ACAD9: variants seen among roughly 807,000 people sequenced by gnomAD.
The protein encoded by ACAD9 is complex I assembly factor ACAD9, mitochondrial.
ACAD9 carries 53 observed loss-of-function variants against 70.2 expected under a neutral mutation model. The ratio of observed to expected loss-of-function variants is 0.75; its 90% CI spans 0.61 to 0.95. ACAD9 has a LOEUF of 0.95. ACAD9 is among the 40% of genes least tolerant of loss of function. The pLI is 0.00. For missense variants in ACAD9, 777 were observed against 802.8 expected, an observed-to-expected ratio of 0.97 and a Z score of 0.39; for synonymous variants, 313 against 312.1, an observed-to-expected ratio of 1.00 and a Z score of -0.03.
chr3:128,903,678 CTCTG>C (rs1935808156), intron 9 of ACAD9, among the ~76,000 whole-genome samples: 2 of 152,238 alleles, frequency 1.3e-5, no homozygotes, highest in South Asian at 2.1e-4. Context: ...CCTGCACCAC[CTCTG>C]TCTGGGGCCT....
chr3:128,899,522 CGGTGTGTGTG>C, intron 7 of ACAD9, 61 bp downstream of exon 7: 5 of 1,146,340 alleles, frequency 4.4e-6, no homozygotes, highest in East Asian at 3.6e-5. Context: ...TGGCCTTTGA[CGGTGTGTGTG>C]TGTGTGTGTG....
intron 2 of ACAD9, among the ~76,000 whole-genome samples, chr3:128,890,932 C>T (rs541339969): frequency 2.6e-5 from 4 of 151,232 alleles, no homozygotes; most frequent in African/African-American, 7.3e-5. Context: ...ACCTCTGCCT[C>T]CCAGGTTCAA....
intron 1 of ACAD9, among the ~76,000 whole-genome samples, chr3:128,884,029 G>C (rs1935172156): frequency 6.6e-6 from 1 of 152,228 alleles, no homozygotes; most frequent in African/African-American, 2.4e-5. Context: ...GAGCCCAAAA[G>C]TCCAGAGGGG....
chr3:128,890,305 C>T lies in ACAD9; in HGVS notation c.245-3250C>T, dbSNP rs1231346535. ...TTCACCATGTTGGCCAGGCCAATCTCGAACTCCTGACCTCAGGTGATCTGC... is the reference window on the plus strand; with the variant it reads ...TTCACCATGTTGGCCAGGCCAATCTTGAACTCCTGACCTCAGGTGATCTGC... On this transcript the variant is annotated intron_variant, in intron 2 of 17. Coordinates refer to ENST00000308982, the MANE Select transcript of ACAD9 (RefSeq NM_014049.5). Among the ~76,000 whole-genome samples, 7 of 152,082 alleles carry T rather than the reference C, an allele frequency of 4.6e-5. No homozygotes were observed. In the East Asian group the frequency reaches 1.4e-3, roughly 30 times the overall value.
At chr3:128,887,644 A>AATAAATAAATATATAT (rs1436892805) in intron 2 of ACAD9, among the ~76,000 whole-genome samples, 2 of 133,106 alleles carry the variant, frequency 1.5e-5, no homozygotes, top group African/African-American at 5.8e-5. Context: ...AAAATAAATA[A>AATAAATAAATATATAT]ATATATATAT....
chr3:128,904,871 G>A lies in ACAD9; in HGVS notation c.1149+366G>A, dbSNP rs186542772. On this transcript the variant is annotated intron_variant, in intron 11 of 17. Transcript: ENST00000308982. ...TTAAAAACTAAGCATATGGCAGGGC[G>A]CGGTGGCTCACACCTGTAATCCCAG... 3.8e-3 allele frequency among the ~76,000 whole-genome samples: 585 copies of A among 152,268 alleles called. 2 individuals carry two copies. The highest frequency in any genetic ancestry group is 9.7e-3 in the Admixed American group (149 of 15,294).
At chr3:128,895,552 C>A (rs1935547316) in intron 4 of ACAD9, 136 bp downstream of exon 4, 1 of 801,256 alleles carries the variant, frequency 1.2e-6, no homozygotes, top group Non-Finnish European at 2.1e-6. Context: ...AGTTCCCTCA[C>A]TCTGGCCACA....
chr3:128,907,564 C>T (rs925391694), intron 12 of ACAD9, among the ~76,000 whole-genome samples: 1 of 152,102 alleles, frequency 6.6e-6, no homozygotes, highest in South Asian at 2.1e-4. Context: ...TCCTGCTGTC[C>T]GTGATGTCAG....
intron 7 of ACAD9, among the ~76,000 whole-genome samples, 161 bp downstream of exon 7, chr3:128,899,622 CTT>C (rs1935680975): frequency 6.6e-6 from 1 of 151,900 alleles, no homozygotes; most frequent in African/African-American, 2.4e-5. Context: ...GATTTAAACA[CTT>C]TCAGTTTTTG....
At position 128,881,521 on chromosome 3, in the gene ACAD9, A is replaced by G. The variant is rs578058219; in HGVS notation, c.150+1680A>G. On this transcript the variant is annotated intron_variant, in intron 1 of 17. Transcript: ENST00000308982. ...GACTCCAGGTCTTCTCACCTACTCAAGGGTAATTCTTTCCTTTCTCTGCAT... is the reference window on the plus strand; with the variant it reads ...GACTCCAGGTCTTCTCACCTACTCAGGGGTAATTCTTTCCTTTCTCTGCAT... 3.0e-3 allele frequency among the ~76,000 whole-genome samples: 464 copies of G among 152,292 alleles called. 2 individuals are homozygous for G. The highest frequency in any genetic ancestry group is 0.011 in the African/African-American group (443 of 41,566).
At chr3:128,901,405 GC>G in intron 8 of ACAD9, 56 bp downstream of exon 8, 1 of 1,589,924 alleles carries the variant, frequency 6.3e-7, no homozygotes, top group Non-Finnish European at 8.6e-7. Context: ...GCAGTTTGTC[GC>G]CCCCAGCTTT....
intron 1 of ACAD9, among the ~76,000 whole-genome samples, chr3:128,882,591 T>C (rs560049905): frequency 6.6e-6 from 1 of 152,250 alleles, no homozygotes; most frequent in African/African-American, 2.4e-5. Flanking sequence ...TGCCCTAAGC[T>C]GGACCCAAGC....
chr3:128,890,191 G>A (rs1230943840), intron 2 of ACAD9, among the ~76,000 whole-genome samples: 3 of 151,434 alleles, frequency 2.0e-5, no homozygotes, highest in South Asian at 2.1e-4. Context: ...AGGTTCAAGC[G>A]ATTCTGCCTC....
At chr3:128,903,410 C>G (rs1935798821) in intron 9 of ACAD9, among the ~76,000 whole-genome samples, 1 of 152,210 alleles carries the variant, frequency 6.6e-6, no homozygotes, top group African/African-American at 2.4e-5. Context: ...TACTCAGGCA[C>G]AAGGCCTCTG....
At chr3:128,901,682 C>A (rs747300920) in intron 8 of ACAD9, among the ~76,000 whole-genome samples, 6 of 152,208 alleles carry the variant, frequency 3.9e-5, no homozygotes, top group Non-Finnish European at 8.8e-5. Context: ...TGGTCTGCAT[C>A]GCTGCCCTAC....
rs1935678804 is a variant in ACAD9, at chr3:128,899,562, G to T, written c.808+101G>T. ...TGTGTGTGTGTGTGTGTGTGTGTGT[G>T]TAAGGGGGAGACTGGCCCTTGACTC... On this transcript the variant is annotated intron_variant, in intron 7 of 17. Coordinates refer to ENST00000308982, the MANE Select transcript of ACAD9 (RefSeq NM_014049.5). The T allele has an allele frequency of 3.2e-6, 4 of 1,257,334 alleles. No homozygotes were observed. The South Asian group carries it at 5.7e-5, about 18-fold the overall frequency. 77.9% of individuals were successfully genotyped at this position (1,257,334 alleles called of 1,614,324 possible). A position where few individuals can be genotyped will look rare whatever the true frequency, so the allele number is the denominator to read the frequency against.
In ACAD9 at chr3:128,906,126, C is replaced by A. The variant is rs994949674; in HGVS notation, c.1155C>A (p.Phe385Leu). ...TTCAGTGTGACACCCCACAGGTGTT[C>A]AGCTCCGAGGCCGCCTGGCAGTGTG... ...CSIEAAMVKV[F>L]SSEAAWQCVS... The change falls in exon 12 of 18, where the codon TTC (phenylalanine) becomes TTA (leucine). Residue 385 changes from phenylalanine to leucine, a missense_variant. Transcript: ENST00000308982. 13 of 1,614,076 alleles carry A rather than the reference C, an allele frequency of 8.1e-6. No individual in the cohort carries two copies. Among genetic ancestry groups the A allele is most frequent in the Non-Finnish European group, 1.1e-5 (13 of 1,180,056 alleles).
intron 7 of ACAD9, among the ~76,000 whole-genome samples, chr3:128,900,588 CCT>C (rs1935709927): frequency 2.0e-5 from 3 of 150,588 alleles, no homozygotes; most frequent in Admixed American, 2.0e-4. Flanking sequence ...GTCTCGAACT[CCT>C]GGGTTCAAGT....
Position 128,906,162 on chromosome 3 carries a change from G to A in ACAD9, c.1191G>A (p.Ala397=), listed in dbSNP as rs774763527. 4.3e-6 allele frequency: 7 copies of A among 1,614,214 alleles called. No individual in the cohort carries two copies. The highest frequency in any genetic ancestry group is 1.1e-5 in the South Asian group (1 of 91,090). ...SEAAWQCVSE[A]LQILGGLGYT... ...CCGCCTGGCAGTGTGTGAGTGAGGCGCTGCAGATCCTCGGGGGCTTGGGCT... is the reference window on the plus strand; with the variant it reads ...CCGCCTGGCAGTGTGTGAGTGAGGCACTGCAGATCCTCGGGGGCTTGGGCT... The change falls in exon 12 of 18, where the codon GCG becomes GCA. Residue 397 remains alanine (A), a synonymous_variant. Coordinates refer to ENST00000308982, the MANE Select transcript of ACAD9 (RefSeq NM_014049.5).
Sources: gnomAD v4.1 joint callset for allele counts (sites outside exome capture counted in the v4.1 genomes callset) on GRCh38, gnomAD v4.1.1 for gene constraint, MANE v1.5 for transcripts, NCBI Gene and HGNC (gene_info 2026-07-23, HGNC 2026-07-21) for gene names.